The following TBCA variants were observed in gnomAD, a reference collection of about 807,000 sequenced individuals.
The protein encoded by TBCA is tubulin-specific chaperone A.
A neutral mutation model predicts 15.8 loss-of-function variants in TBCA; 6 were observed. That is an observed-to-expected ratio of 0.38 (90% CI 0.21 to 0.75). The LOEUF is 0.75. TBCA is among the 30% of genes least tolerant of loss of function. TBCA has a pLI of 0.46. For missense variants in TBCA, 90 were observed against 131.2 expected (o/e 0.69, Z 1.53); for synonymous variants, 32 against 42.3 (o/e 0.76, Z 0.94).
intron 2 of TBCA, among the ~76,000 whole-genome samples, chr5:77,696,119 T>C (rs1378984110): frequency 1.3e-5 from 2 of 152,206 alleles, no homozygotes; most frequent in African/African-American, 4.8e-5. Context: ...GCTCTTAGGT[T>C]ATTGCTTGAT....
rs150709241 is a variant in TBCA at position 77,763,658 on chromosome 5, GATACA to G, written c.53+12542_53+12546del. ...TCCAGATCTCTTCCCACCACTCGAG[GATACA>G]ATGAGAAGACAGCAGTCCTCAACCC... On this transcript the variant is annotated intron_variant, in intron 1 of 3. Transcript: ENST00000380377. 2.6e-5 allele frequency among the ~76,000 whole-genome samples: 4 copies of G among 152,210 alleles called. No homozygotes were observed. In the East Asian group the frequency reaches 7.7e-4, roughly 29 times the overall value.
intron 1 of TBCA, among the ~76,000 whole-genome samples, chr5:77,725,017 A>G (rs1331209711): frequency 2.0e-5 from 3 of 152,166 alleles, no homozygotes; most frequent in African/African-American, 7.2e-5. Flanking sequence ...TCTTTCTTCC[A>G]TAAGCTACCT....
chr5:77,719,955 A>C (rs937364036), intron 1 of TBCA, among the ~76,000 whole-genome samples: 1 of 152,130 alleles, frequency 6.6e-6, no homozygotes, highest in Non-Finnish European at 1.5e-5. Context: ...ACACTCTGAC[A>C]GTTTTAATTA....
intron 1 of TBCA, among the ~76,000 whole-genome samples, chr5:77,769,190 C>T (rs1420974084): frequency 6.6e-6 from 1 of 152,168 alleles, no homozygotes; most frequent in African/African-American, 2.4e-5. Flanking sequence ...TTGACATGGC[C>T]TCTGACCACC....
intron 1 of TBCA, among the ~76,000 whole-genome samples, chr5:77,772,389 C>G (rs76511245): frequency 0.02 from 3,111 of 152,088 alleles, 41 homozygotes; most frequent in South Asian, 0.03. Flanking sequence ...GACGGGTCGA[C>G]AGGTGCAGCA....
At chr5:77,735,299 T>C (rs1423151724) in intron 1 of TBCA, among the ~76,000 whole-genome samples, 4 of 152,216 alleles carry the variant, frequency 2.6e-5, no homozygotes. Context: ...AAATATTTAA[T>C]GCGAAAATCT....
At chr5:77,735,876 CAAAAT>C (rs982055130) in intron 1 of TBCA, among the ~76,000 whole-genome samples, 3 of 152,094 alleles carry the variant, frequency 2.0e-5, no homozygotes, top group Non-Finnish European at 2.9e-5. Flanking sequence ...AAAAACAAAA[CAAAAT>C]AAAACAAATT....
rs1200320861 is a variant in TBCA, at chr5:77,693,251, G to C, written c.246+15C>G. On this transcript the variant is annotated intron_variant, in intron 3 of 3. Coordinates refer to ENST00000380377, the MANE Select transcript of TBCA (RefSeq NM_004607.3). ...AAAAAAAAAATTTAAACATGACACA[G>C]AAGTCTTTGCTTACTAGTATCCGTT... 8.1e-6 allele frequency: 13 copies of C among 1,613,258 alleles called. No homozygotes were observed.
At chr5:77,730,563 T>A (rs73768436) in intron 1 of TBCA, among the ~76,000 whole-genome samples, 10,788 of 79,296 alleles carry the variant, frequency 0.14, 521 homozygotes, top group South Asian at 0.2. Context: ...AAGCTCAAAT[T>A]TTTTTTTTTT....
chr5:77,701,488 G>T (rs950999014), intron 2 of TBCA, among the ~76,000 whole-genome samples: 1 of 151,464 alleles, frequency 6.6e-6, no homozygotes, highest in Non-Finnish European at 1.5e-5. Flanking sequence ...ACATTCGTGT[G>T]GAGATTCCTT....
At position 77,776,327 on chromosome 5, in the gene TBCA, T is replaced by C. The variant is rs1031018066; in HGVS notation, c.-70A>G. 2.6e-6 allele frequency: 4 copies of C among 1,536,498 alleles called. No homozygotes were observed. Among genetic ancestry groups the C allele is most frequent in the East Asian group, 2.5e-5 (1 of 40,760 alleles). Reference sequence around the variant, plus strand: ...ACCGTGGAGGGCGACGCGCAGAGGCTGCGGCTATTTAGGCGTGGTCGCCGG... The same window carrying C: ...ACCGTGGAGGGCGACGCGCAGAGGCCGCGGCTATTTAGGCGTGGTCGCCGG... On this transcript the variant is annotated 5_prime_UTR_variant, in exon 1 of 4. Transcript: ENST00000380377.
chr5:77,745,147 TTA>T (rs1747156790), intron 1 of TBCA, among the ~76,000 whole-genome samples: 1 of 152,192 alleles, frequency 6.6e-6, no homozygotes, highest in Non-Finnish European at 1.5e-5. Context: ...CCATGCCTTT[TTA>T]TGTTGCCAAA....
At chr5:77,764,041 T>C (rs1009463656) in intron 1 of TBCA, among the ~76,000 whole-genome samples, 3 of 152,062 alleles carry the variant, frequency 2.0e-5, no homozygotes, top group Non-Finnish European at 2.9e-5. Context: ...TACACAACCA[T>C]CAAAAAAATG....
chr5:77,774,195 CATCACAGGACAG>C (rs1318229267), intron 1 of TBCA, among the ~76,000 whole-genome samples: 1 of 152,140 alleles, frequency 6.6e-6, no homozygotes, highest in Middle Eastern at 3.2e-3. Flanking sequence ...TCTAGTATGG[CATCACAGGACAG>C]ATAGCGGGAT....
At chr5:77,756,239 G>C (rs1424982162) in intron 1 of TBCA, among the ~76,000 whole-genome samples, 3 of 152,084 alleles carry the variant, frequency 2.0e-5, no homozygotes, top group African/African-American at 7.2e-5. Context: ...TTTCTCTCCA[G>C]AGGTCTAGCA....
At chr5:77,700,771 T>C (rs1044335435) in intron 2 of TBCA, among the ~76,000 whole-genome samples, 1 of 152,130 alleles carries the variant, frequency 6.6e-6, no homozygotes, top group Non-Finnish European at 1.5e-5. Context: ...TAAACCCAAA[T>C]ACTTACAGCC....
At chr5:77,746,455 TATGCACTTG>T (rs2112486306) in intron 1 of TBCA, among the ~76,000 whole-genome samples, 1 of 152,258 alleles carries the variant, frequency 6.6e-6, no homozygotes, top group South Asian at 2.1e-4. Context: ...ATTGTCATAC[TATGCACTTG>T]ATCTTAATCA....
At chr5:77,701,349 C>A (rs1203590072) in intron 2 of TBCA, among the ~76,000 whole-genome samples, 1 of 152,018 alleles carries the variant, frequency 6.6e-6, no homozygotes, top group African/African-American at 2.4e-5. Context: ...CAAATCAAAA[C>A]CACAATGCAA....
intron 3 of TBCA, chr5:77,693,028 TTAAC>T (rs1373580620): frequency 4.2e-6 from 6 of 1,424,438 alleles, no homozygotes; most frequent in Non-Finnish European, 5.5e-6. Flanking sequence ...TTAAATAAAT[TTAAC>T]TAGCTAAATT....
Sources: gnomAD v4.1 joint callset for allele counts (sites outside exome capture counted in the v4.1 genomes callset) on GRCh38, gnomAD v4.1.1 for gene constraint, MANE v1.5 for transcripts, NCBI Gene and HGNC (gene_info 2026-07-23, HGNC 2026-07-21) for gene names.